Variants in COX10 observed in about 807,000 individuals in gnomAD.
COX10 encodes cytochrome c oxidase assembly factor heme A:farnesyltransferase COX10, also known as protoheme IX farnesyltransferase, mitochondrial.
In COX10, 27 loss-of-function variants were observed where a neutral mutation model predicts 37.3. The observed-to-expected ratio is 0.72, with a 90% CI of 0.53 to 1.00. COX10 has a LOEUF of 1.00. COX10 is among the 50% of genes least tolerant of loss of function. COX10 has a pLI of 0.00. For synonymous variants in COX10, 222 were observed against 229.1 expected, an observed-to-expected ratio of 0.97 and a Z score of 0.28; for missense variants, 475 against 563.2, an observed-to-expected ratio of 0.84 and a Z score of 1.59.
intron 5 of COX10, among the ~76,000 whole-genome samples, chr17:14,186,285 C>T (rs1030192577): frequency 1.3e-5 from 2 of 151,896 alleles, no homozygotes; most frequent in Admixed American, 1.3e-4. Flanking sequence ...TGTGGCCTTC[C>T]TAATTTCTGT....
rs201348544 is a variant in COX10 at position 14,134,776 on chromosome 17, GT to G, written c.625-25088del. ...CATGGATAAATTAATTGCCCTCGGT[GT>G]TTTTTTTTTTTTAAGTTAAACTCTT... is the stretch of plus-strand genomic sequence containing the variant. On this transcript the variant is annotated intron_variant, in intron 4 of 6. Transcript: ENST00000261643. 4.0e-3 allele frequency among the ~76,000 whole-genome samples: 567 copies of G among 141,918 alleles called. 2 individuals are homozygous for G. The highest frequency in any genetic ancestry group is 0.01 in the African/African-American group (392 of 39,136). 93.1% of individuals were successfully genotyped at this position (141,918 alleles called of 152,430 possible). A position where few individuals can be genotyped will look rare whatever the true frequency, so the allele number is the denominator to read the frequency against.
intron 6 of COX10, among the ~76,000 whole-genome samples, chr17:14,192,759 A>G (rs1378793222): frequency 2.6e-5 from 4 of 152,084 alleles, no homozygotes; most frequent in Non-Finnish European, 4.4e-5. Context: ...TTTTGGTGGT[A>G]TGTCACAACT....
chr17:14,131,587 T>C (rs1555536565), intron 4 of COX10, among the ~76,000 whole-genome samples: 1 of 152,030 alleles, frequency 6.6e-6, no homozygotes, highest in Non-Finnish European at 1.5e-5. Flanking sequence ...TAAAATACAC[T>C]GGGTGAAGCA....
intron 5 of COX10, among the ~76,000 whole-genome samples, chr17:14,165,377 CTTTT>C (rs1380812184): frequency 6.6e-6 from 1 of 152,042 alleles, no homozygotes; most frequent in East Asian, 1.9e-4. Context: ...GTATTTCAAG[CTTTT>C]TTATTATTAT....
intron 4 of COX10, among the ~76,000 whole-genome samples, chr17:14,105,886 A>G (rs1198495035): frequency 1.3e-5 from 2 of 152,050 alleles, no homozygotes; most frequent in African/African-American, 4.8e-5. Context: ...TATAACATAT[A>G]TAAAACATAT....
Position 14,127,727 on chromosome 17 carries a change from A to T in COX10, c.624+25485A>T, listed in dbSNP as rs529529300. Among the ~76,000 whole-genome samples, 7 of 152,242 alleles carry T rather than the reference A, an allele frequency of 4.6e-5. No homozygotes were observed. The East Asian group carries it at 1.3e-3, about 29-fold the overall frequency. ...TAATATTGTTACTCTGTCTTTTTGTATTTAAAAATTAAAAGTAATATTCTT... is the reference window on the plus strand; with the variant it reads ...TAATATTGTTACTCTGTCTTTTTGTTTTTAAAAATTAAAAGTAATATTCTT... On this transcript the variant is annotated intron_variant, in intron 4 of 6. Transcript: ENST00000261643.
intron 6 of COX10, among the ~76,000 whole-genome samples, chr17:14,195,900 T>G (rs1906353825): frequency 6.6e-6 from 1 of 152,172 alleles, no homozygotes; most frequent in Admixed American, 6.5e-5. Flanking sequence ...TAGAATATCT[T>G]GAAAATACCT....
intron 3 of COX10, among the ~76,000 whole-genome samples, chr17:14,080,154 A>C (rs1006830660): frequency 2.6e-5 from 4 of 151,842 alleles, no homozygotes; most frequent in African/African-American, 9.7e-5. Flanking sequence ...TGAAACAACA[A>C]ATTTGTTTCT....
At chr17:14,119,926 A>G (rs747693195) in intron 4 of COX10, among the ~76,000 whole-genome samples, 1 of 152,212 alleles carries the variant, frequency 6.6e-6, no homozygotes, top group Non-Finnish European at 1.5e-5. Context: ...CAGACTGGAT[A>G]TAGAGAGAAT....
At chr17:14,087,687 T>G (rs1279042205) in intron 3 of COX10, among the ~76,000 whole-genome samples, 1 of 146,022 alleles carries the variant, frequency 6.8e-6, no homozygotes, top group African/African-American at 2.5e-5. Context: ...TCCGAAAGGT[T>G]TTTTTTTTTT....
intron 4 of COX10, among the ~76,000 whole-genome samples, chr17:14,102,730 A>G (rs1915812618): frequency 6.6e-6 from 1 of 152,164 alleles, no homozygotes; most frequent in African/African-American, 2.4e-5. Context: ...TATACCCCAA[A>G]ATTAGCATAT....
At chr17:14,082,263 A>C (rs1424162236) in intron 3 of COX10, among the ~76,000 whole-genome samples, 6 of 152,184 alleles carry the variant, frequency 3.9e-5, no homozygotes, top group Admixed American at 1.3e-4. Context: ...AGAAGCCAAA[A>C]GAATAGAACC....
chr17:14,146,851 CT>C (rs1187991370), intron 4 of COX10, among the ~76,000 whole-genome samples: 1 of 152,102 alleles, frequency 6.6e-6, no homozygotes, highest in Non-Finnish European at 1.5e-5. Context: ...ATAGACATTT[CT>C]CAAAAGAAGA....
At chr17:14,190,750 C>T (rs1233878086) in intron 5 of COX10, among the ~76,000 whole-genome samples, 4 of 152,140 alleles carry the variant, frequency 2.6e-5, no homozygotes, top group African/African-American at 7.2e-5. Flanking sequence ...ACCCTCCCGG[C>T]TAAATTCTAA....
chr17:14,101,415 A>G (rs1439739940), intron 3 of COX10, among the ~76,000 whole-genome samples: 1 of 152,190 alleles, frequency 6.6e-6, no homozygotes. Flanking sequence ...GCGGATTTCT[A>G]CAGCTGCATA....
At chr17:14,106,093 A>G (rs1385513360) in intron 4 of COX10, among the ~76,000 whole-genome samples, 1 of 151,932 alleles carries the variant, frequency 6.6e-6, no homozygotes, top group Non-Finnish European at 1.5e-5. Flanking sequence ...GGCTCACTGC[A>G]ACCTCCTCCA....
chr17:14,094,745 A>G (rs1357299736), intron 3 of COX10, among the ~76,000 whole-genome samples: 1 of 152,238 alleles, frequency 6.6e-6, no homozygotes, highest in East Asian at 1.9e-4. Context: ...TGCAGTGACC[A>G]GAGAAATATT....
chr17:14,163,318 G>A (rs1905209718), intron 5 of COX10, among the ~76,000 whole-genome samples: 1 of 151,914 alleles, frequency 6.6e-6, no homozygotes, highest in South Asian at 2.1e-4. Flanking sequence ...TGAGTGGCGT[G>A]ATCTTGGCTC....
intron 4 of COX10, among the ~76,000 whole-genome samples, chr17:14,107,050 CTG>C (rs1915908072): frequency 6.6e-6 from 1 of 152,102 alleles, no homozygotes; most frequent in African/African-American, 2.4e-5. Flanking sequence ...GTGGGCTGTC[CTG>C]TGTGTTGCAG....
Sources: allele counts gnomAD v4.1 joint callset (sites outside exome capture counted in the v4.1 genomes callset), GRCh38; gene constraint gnomAD v4.1.1; transcripts MANE v1.5; gene names NCBI Gene and HGNC (gene_info 2026-07-23, HGNC 2026-07-21).